Variants in CPA6 observed in about 807,000 individuals in gnomAD.
CPA6 encodes carboxypeptidase A6.
Under a neutral mutation model 63.3 loss-of-function variants are expected in CPA6, and 58 were observed. The observed-to-expected ratio is 0.92, with a 90% CI of 0.74 to 1.14. The LOEUF (loss-of-function observed/expected upper bound fraction) is 1.14. Ranked by LOEUF, CPA6 falls within the 50% of genes most tolerant of loss-of-function variation. The pLI, the probability that CPA6 is intolerant of heterozygous loss-of-function variation, is 0.00. For missense variants in CPA6, 565 were observed against 526.6 expected (o/e 1.07, Z -0.71); for synonymous variants, 185 against 179.0 (o/e 1.03, Z -0.27).
intron 2 of CPA6, among the ~76,000 whole-genome samples, chr8:67,618,462 G>T (rs950651731): frequency 2.0e-5 from 3 of 152,094 alleles, no homozygotes; most frequent in South Asian, 2.1e-4. Context: ...AGGGAGGGAG[G>T]CCACACCAGG....
chr8:67,551,302 C>G (rs1812931937), intron 2 of CPA6, among the ~76,000 whole-genome samples: 1 of 152,036 alleles, frequency 6.6e-6, no homozygotes, highest in Non-Finnish European at 1.5e-5. Flanking sequence ...TTCTCCATTG[C>G]TTATTTTTTA....
chr8:67,472,040 A>G (rs1811070547), intron 8 of CPA6, among the ~76,000 whole-genome samples: 1 of 152,258 alleles, frequency 6.6e-6, no homozygotes, highest in South Asian at 2.1e-4. Flanking sequence ...TTTTGTTATC[A>G]GTGAAATCAG....
At chr8:67,655,920 G>C (rs1250514859) in intron 1 of CPA6, among the ~76,000 whole-genome samples, 5 of 152,058 alleles carry the variant, frequency 3.3e-5, no homozygotes, top group East Asian at 1.9e-4. Flanking sequence ...TTGATCTCTG[G>C]CTCTGTTTTT....
At chr8:67,495,631 A>G (rs1811694916) in intron 6 of CPA6, among the ~76,000 whole-genome samples, 1 of 151,710 alleles carries the variant, frequency 6.6e-6, no homozygotes, top group Non-Finnish European at 1.5e-5. Flanking sequence ...ATTGCCTTTC[A>G]TCTTTAAGCT....
At chr8:67,706,294 C>A (rs1428238343) in intron 1 of CPA6, among the ~76,000 whole-genome samples, 4 of 152,146 alleles carry the variant, frequency 2.6e-5, no homozygotes, top group African/African-American at 4.8e-5. Context: ...AAAAGTAAAA[C>A]CTTATCTGAA....
chr8:67,472,402 TTTATC>T (rs747214235), intron 8 of CPA6, among the ~76,000 whole-genome samples: 10 of 108,666 alleles, frequency 9.2e-5, no homozygotes, highest in Non-Finnish European at 1.9e-5. Context: ...TTTATTTTAT[TTTATC>T]TTATCTTATT....
At chr8:67,605,592 T>A (rs7002461) in intron 2 of CPA6, among the ~76,000 whole-genome samples, 73,000 of 147,858 alleles carry the variant, frequency 0.49, 19,317 homozygotes, top group African/African-American at 0.67. Context: ...TGAATATGGA[T>A]CCCATGGATG....
At chr8:67,682,591 G>T (rs1411922070) in intron 1 of CPA6, among the ~76,000 whole-genome samples, 3 of 152,174 alleles carry the variant, frequency 2.0e-5, no homozygotes, top group African/African-American at 7.2e-5. Flanking sequence ...ATGGGAATTT[G>T]ACTTTGTTGG....
intron 8 of CPA6, among the ~76,000 whole-genome samples, chr8:67,461,049 CTT>C (rs111558015): frequency 2.9e-5 from 4 of 139,242 alleles, no homozygotes. Flanking sequence ...AATTCGATTT[CTT>C]TTTTTTTTTT....
intron 1 of CPA6, among the ~76,000 whole-genome samples, chr8:67,705,892 T>C (rs1817124092): frequency 1.3e-5 from 2 of 152,154 alleles, no homozygotes; most frequent in South Asian, 4.2e-4. Context: ...CAAAACTTCC[T>C]AATAGAAGGA....
At chr8:67,477,389 T>C (rs890971919) in intron 8 of CPA6, among the ~76,000 whole-genome samples, 1 of 152,122 alleles carries the variant, frequency 6.6e-6, no homozygotes, top group African/African-American at 2.4e-5. Flanking sequence ...CCAACTTTGT[T>C]AGATATTAGG....
At chr8:67,704,107 T>C (rs1259906398) in intron 1 of CPA6, among the ~76,000 whole-genome samples, 1 of 152,238 alleles carries the variant, frequency 6.6e-6, no homozygotes, top group African/African-American at 2.4e-5. Context: ...CAAGGACTAC[T>C]GTTTTTGCAA....
chr8:67,449,810 CTTTTTTT>C (rs35803454), intron 8 of CPA6, among the ~76,000 whole-genome samples: 3 of 124,284 alleles, frequency 2.4e-5, no homozygotes, highest in Non-Finnish European at 4.9e-5. Flanking sequence ...CAAGCCATCT[CTTTTTTT>C]TTTTTTTTTT....
chr8:67,650,590 A>G (rs2128991290), intron 1 of CPA6, among the ~76,000 whole-genome samples: 1 of 152,238 alleles, frequency 6.6e-6, no homozygotes, highest in Non-Finnish European at 1.5e-5. Context: ...GGTGCCAGAG[A>G]AATGCCATGT....
At chr8:67,686,897 C>T (rs1202616661) in intron 1 of CPA6, among the ~76,000 whole-genome samples, 3 of 152,078 alleles carry the variant, frequency 2.0e-5, no homozygotes, top group Non-Finnish European at 2.9e-5. Flanking sequence ...ATATGTTCAG[C>T]GTGGGAGAGT....
rs1476659204 is a variant in CPA6, at chr8:67,681,226, G to A, written c.117-56975C>T. 1.8e-4 allele frequency among the ~76,000 whole-genome samples: 9 copies of A among 49,064 alleles called. No homozygotes were observed. The African/African-American group carries it at 2.3e-3, about 13-fold the overall frequency. The allele number at this position is 49,064 out of a possible 152,430, so 32.2% of individuals were successfully genotyped here. A position where few individuals can be genotyped will look rare whatever the true frequency, so the allele number is the denominator to read the frequency against. On this transcript the variant is annotated intron_variant, in intron 1 of 10. Coordinates refer to ENST00000297770, the MANE Select transcript of CPA6 (RefSeq NM_020361.5). ...TTTTTTTTTTTTTTTTTTTTGAGAC[G>A]GAGTCTCGCTCTGTCGCCCAGGCCG...
rs1397151396 is a variant in CPA6 at position 67,431,234 on chromosome 8, T to G, written c.1041+2804A>C. 2.0e-5 allele frequency among the ~76,000 whole-genome samples: 3 copies of G among 152,020 alleles called. No homozygotes were observed. The East Asian group carries it at 5.8e-4, about 29-fold the overall frequency. On this transcript the variant is annotated intron_variant, in intron 9 of 10. Transcript: ENST00000297770. ...TGGGAAGATAAAATACGAAGAACATTCTCATATGATAATTTTTTTTTTTCA... is the reference window on the plus strand; with the variant it reads ...TGGGAAGATAAAATACGAAGAACATGCTCATATGATAATTTTTTTTTTTCA...
rs552692949 is a variant in CPA6, at chr8:67,624,015, T to C, written c.192+161A>G. 4.2e-3 allele frequency among the ~76,000 whole-genome samples: 643 copies of C among 151,940 alleles called. 3 individuals are homozygous for C. The highest frequency in any genetic ancestry group is 7.1e-3 in the Admixed American group (108 of 15,266). On this transcript the variant is annotated intron_variant, in intron 2 of 10. Coordinates refer to ENST00000297770, the MANE Select transcript of CPA6 (RefSeq NM_020361.5). Reference sequence around the variant, plus strand: ...TTGTCTCAAATAAAATAAAATAAAATAAAACAAAATAAAATAAAATAAAAT... The same window carrying C: ...TTGTCTCAAATAAAATAAAATAAAACAAAACAAAATAAAATAAAATAAAAT...
chr8:67,533,746 T>C (rs547406681), intron 2 of CPA6, among the ~76,000 whole-genome samples: 3 of 152,342 alleles, frequency 2.0e-5, no homozygotes, highest in South Asian at 4.1e-4. Flanking sequence ...CAAATCCCTC[T>C]TCTGCTCCTT....
Sources: allele counts gnomAD v4.1 joint callset (sites outside exome capture counted in the v4.1 genomes callset), GRCh38; gene constraint gnomAD v4.1.1; transcripts MANE v1.5; gene names NCBI Gene and HGNC (gene_info 2026-07-23, HGNC 2026-07-21).